The following FHIT variants were observed in gnomAD, a reference collection of about 807,000 sequenced individuals.
FHIT encodes the protein fragile histidine triad diadenosine triphosphatase.
A neutral mutation model predicts 17.9 loss-of-function variants in FHIT; 19 were observed. That is an observed-to-expected ratio of 1.06 (90% CI 0.74 to 1.56). FHIT has a LOEUF of 1.56. Ranked by LOEUF, FHIT falls within the 40% of genes most tolerant of loss-of-function variation. FHIT has a pLI of 0.00. For synonymous variants in FHIT, 81 were observed against 69.7 expected, an observed-to-expected ratio of 1.16 and a Z score of -0.81; for missense variants, 248 against 189.2, an observed-to-expected ratio of 1.31 and a Z score of -1.82.
chr3:59,801,154 G>A (rs879390324), intron 8 of FHIT, among the ~76,000 whole-genome samples: 1 of 152,152 alleles, frequency 6.6e-6, no homozygotes, highest in Non-Finnish European at 1.5e-5. Flanking sequence ...CTGTATGCCA[G>A]GCCTGTGCTA....
intron 4 of FHIT, among the ~76,000 whole-genome samples, chr3:60,671,356 C>T (rs1279434933): frequency 2.6e-5 from 4 of 152,106 alleles, no homozygotes; most frequent in African/African-American, 9.7e-5. Context: ...AAAATACACA[C>T]ATACACACAC....
At chr3:59,837,401 A>G (rs1365993987) in intron 8 of FHIT, among the ~76,000 whole-genome samples, 2 of 152,204 alleles carry the variant, frequency 1.3e-5, no homozygotes, top group Non-Finnish European at 2.9e-5. Context: ...CTACGTAAAT[A>G]GTTATACTTT....
intron 8 of FHIT, among the ~76,000 whole-genome samples, chr3:59,790,353 A>G (rs560126252): frequency 4.6e-5 from 7 of 152,334 alleles, no homozygotes; most frequent in East Asian, 1.9e-4. Flanking sequence ...CAAGACCACT[A>G]AGAGGTAGAG....
chr3:59,950,075 T>C (rs979554240), intron 7 of FHIT, among the ~76,000 whole-genome samples: 11 of 152,172 alleles, frequency 7.2e-5, no homozygotes, highest in African/African-American at 2.2e-4. Context: ...TTCTGGGTCT[T>C]AATGTCCTTA....
At position 60,674,427 on chromosome 3, in the gene FHIT, T is replaced by C. The variant is rs536301600; in HGVS notation, c.-17-137448A>G. ...CTATTTATTGCTTTTTTCTGATTAA[T>C]GGAGCTTCCTCTTCACACATCCAGT... On this transcript the variant is annotated intron_variant, in intron 4 of 9. Coordinates refer to ENST00000492590, the MANE Select transcript of FHIT (RefSeq NM_002012.4). 3.1e-4 allele frequency among the ~76,000 whole-genome samples: 47 copies of C among 152,338 alleles called. No homozygotes were observed. The Middle Eastern group carries it at 0.017, about 55-fold the overall frequency.
chr3:60,981,295 C>CTTTT (rs71100934), intron 3 of FHIT, among the ~76,000 whole-genome samples: 7 of 124,506 alleles, frequency 5.6e-5, no homozygotes, highest in Non-Finnish European at 6.6e-5. Context: ...TTCTTCCTTC[C>CTTTT]TTTTTTTTTT....
intron 4 of FHIT, among the ~76,000 whole-genome samples, chr3:60,553,676 T>C (rs868426204): frequency 2.0e-5 from 3 of 151,764 alleles, no homozygotes; most frequent in Non-Finnish European, 2.9e-5. Flanking sequence ...TTTACAAAAA[T>C]GTATAACATT....
At chr3:60,539,974 T>C (rs891966570) in intron 4 of FHIT, among the ~76,000 whole-genome samples, 1 of 148,214 alleles carries the variant, frequency 6.7e-6, no homozygotes, top group Admixed American at 6.7e-5. Context: ...ATAAAATAAA[T>C]TAAATTAAAA....
chr3:61,026,252 T>C (rs555630137), intron 3 of FHIT, among the ~76,000 whole-genome samples: 78 of 152,280 alleles, frequency 5.1e-4, no homozygotes, highest in Non-Finnish European at 9.6e-4. Flanking sequence ...TGTTTTTTGC[T>C]TCCTCTCATT....
intron 5 of FHIT, among the ~76,000 whole-genome samples, chr3:60,352,596 G>C (rs973484421): frequency 1.3e-5 from 2 of 152,060 alleles, no homozygotes; most frequent in African/African-American, 2.4e-5. Flanking sequence ...TCAACTCCTA[G>C]GTTCATGTGA....
At chr3:59,968,155 T>C (rs1280966221) in intron 7 of FHIT, among the ~76,000 whole-genome samples, 2 of 152,086 alleles carry the variant, frequency 1.3e-5, no homozygotes, top group Non-Finnish European at 2.9e-5. Flanking sequence ...TTTTAGTGTA[T>C]AATCAGGACT....
intron 2 of FHIT, among the ~76,000 whole-genome samples, chr3:61,158,383 T>C (rs2037589806): frequency 6.6e-6 from 1 of 152,206 alleles, no homozygotes; most frequent in Non-Finnish European, 1.5e-5. Context: ...GCTTCCATAA[T>C]TGGTAACCAA....
At chr3:60,594,883 G>A (rs1368152034) in intron 4 of FHIT, among the ~76,000 whole-genome samples, 1 of 152,070 alleles carries the variant, frequency 6.6e-6, no homozygotes, top group Non-Finnish European at 1.5e-5. Flanking sequence ...TCCAAGGGCT[G>A]TGTTTCTGTA....
At chr3:59,800,015 T>A (rs1296321730) in intron 8 of FHIT, among the ~76,000 whole-genome samples, 1 of 152,210 alleles carries the variant, frequency 6.6e-6, no homozygotes, top group East Asian at 1.9e-4. Context: ...CAGCAGAGGT[T>A]CATATCAAGG....
chr3:60,610,586 G>A (rs559872779), intron 4 of FHIT, among the ~76,000 whole-genome samples: 1 of 152,106 alleles, frequency 6.6e-6, no homozygotes, highest in Non-Finnish European at 1.5e-5. Flanking sequence ...CTTCTTGAGA[G>A]AACTATTAGG....
At chr3:59,963,975 C>A (rs1283402061) in intron 7 of FHIT, among the ~76,000 whole-genome samples, 1 of 152,156 alleles carries the variant, frequency 6.6e-6, no homozygotes, top group Non-Finnish European at 1.5e-5. Flanking sequence ...CTCAGTAAAG[C>A]TGTTTTTATA....
At chr3:61,033,507 T>C (rs2107672319) in intron 3 of FHIT, among the ~76,000 whole-genome samples, 1 of 152,332 alleles carries the variant, frequency 6.6e-6, no homozygotes, top group East Asian at 1.9e-4. Flanking sequence ...AAGTGAAATA[T>C]ATTATTAGAA....
intron 3 of FHIT, among the ~76,000 whole-genome samples, chr3:60,896,002 G>A (rs1238923903): frequency 6.6e-6 from 1 of 151,902 alleles, no homozygotes; most frequent in Non-Finnish European, 1.5e-5. Flanking sequence ...ACTAGGAGGT[G>A]AGCAGCGGGC....
At chr3:60,189,734 A>C (rs1443308094) in intron 5 of FHIT, among the ~76,000 whole-genome samples, 1 of 152,208 alleles carries the variant, frequency 6.6e-6, no homozygotes, top group Non-Finnish European at 1.5e-5. Context: ...CAGCTCTCTG[A>C]CATTTACCCA....
Sources: allele counts gnomAD v4.1 joint callset (sites outside exome capture counted in the v4.1 genomes callset), GRCh38; gene constraint gnomAD v4.1.1; transcripts MANE v1.5; gene names NCBI Gene and HGNC (gene_info 2026-07-23, HGNC 2026-07-21).